The following MSH3 variants were observed in gnomAD, a reference collection of about 807,000 sequenced individuals.
MSH3 encodes mutS homolog 3, also known as DNA mismatch repair protein Msh3.
In MSH3, 106 loss-of-function variants were observed where a neutral mutation model predicts 123.3. The ratio of observed to expected loss-of-function variants is 0.86; its 90% CI spans 0.73 to 1.01. MSH3 has a LOEUF of 1.01. Ranked by LOEUF, MSH3 falls within the 50% of genes least tolerant of loss-of-function variation. The pLI, the probability that MSH3 is intolerant of heterozygous loss-of-function variation, is 0.00. For missense variants in MSH3, 1,459 were observed against 1,347.6 expected, an observed-to-expected ratio of 1.08 and a Z score of -1.29; for synonymous variants, 515 against 481.4, an observed-to-expected ratio of 1.07 and a Z score of -0.91.
At chr5:80,691,336 T>C (rs1750239717) in intron 8 of MSH3, among the ~76,000 whole-genome samples, 1 of 151,746 alleles carries the variant, frequency 6.6e-6, no homozygotes, top group African/African-American at 2.4e-5. Context: ...AAAGATACTA[T>C]TTAAAATAGC....
At chr5:80,686,225 G>A (rs577135804) in intron 8 of MSH3, among the ~76,000 whole-genome samples, 10 of 152,124 alleles carry the variant, frequency 6.6e-5, no homozygotes, top group African/African-American at 2.2e-4. Flanking sequence ...TAAGTCTGAC[G>A]TTTCTTTATT....
chr5:80,743,914 G>A (rs1191969929), intron 11 of MSH3, among the ~76,000 whole-genome samples: 1 of 151,418 alleles, frequency 6.6e-6, no homozygotes, highest in African/African-American at 2.4e-5. Context: ...AGATTTAAAT[G>A]TCTCAGTGGG....
intron 20 of MSH3, among the ~76,000 whole-genome samples, chr5:80,843,233 C>G (rs920831092): frequency 6.6e-6 from 1 of 152,160 alleles, no homozygotes. Context: ...TTGAAGCAGC[C>G]TTGCATCCCA....
chr5:80,729,370 C>G (rs1743365521), intron 10 of MSH3, among the ~76,000 whole-genome samples: 1 of 146,576 alleles, frequency 6.8e-6, no homozygotes. Context: ...CAGCCCAGAT[C>G]CCACCACTGC....
intron 1 of MSH3, among the ~76,000 whole-genome samples, chr5:80,656,011 C>G (rs1347204706): frequency 6.6e-6 from 1 of 152,180 alleles, no homozygotes; most frequent in East Asian, 1.9e-4. Flanking sequence ...AAAAATGATA[C>G]TGTTCTTTTA....
intron 12 of MSH3, chr5:80,746,247 C>T: frequency 4.1e-6 from 1 of 245,100 alleles, no homozygotes; most frequent in Non-Finnish European, 8.1e-6. Flanking sequence ...CTGCATTTCA[C>T]TGCTGTTTGT....
chr5:80,795,359 C>T (rs1744678413), intron 19 of MSH3, among the ~76,000 whole-genome samples: 1 of 152,118 alleles, frequency 6.6e-6, no homozygotes, highest in South Asian at 2.1e-4. Flanking sequence ...TCATAAACAA[C>T]AGAAATTTAT....
intron 6 of MSH3, among the ~76,000 whole-genome samples, chr5:80,674,668 C>T (rs1183082214): frequency 6.6e-6 from 1 of 152,176 alleles, no homozygotes; most frequent in Non-Finnish European, 1.5e-5. Flanking sequence ...AGAATGAATA[C>T]TGGGCAGAAG....
intron 2 of MSH3, 54 bp downstream of exon 2, chr5:80,656,585 A>G: frequency 6.8e-6 from 11 of 1,610,754 alleles, no homozygotes; most frequent in Admixed American, 1.7e-5. Context: ...GTATTCTGGA[A>G]TTCTCCAGAG....
rs1749209474 is a variant in MSH3 at position 80,654,906 on chromosome 5, C to T, written c.179C>T (p.Ala60Val). The T allele has an allele frequency of 6.6e-7, 1 of 1,511,246 alleles. No homozygotes were observed. The highest frequency in any genetic ancestry group is 8.8e-7 in the Non-Finnish European group (1 of 1,135,160). 93.6% of individuals were successfully genotyped at this position (1,511,246 alleles called of 1,614,324 possible). Residue 60 changes from alanine to valine, a missense_variant, in exon 1 of 24, where the codon GCC (alanine) becomes GTC (valine). By Grantham distance (64) the Ala-to-Val change is moderately conservative. Transcript: ENST00000265081. ...GAAAAAAAAA[A>V]AAPPAPPAPA... ...GCAGCGGCTGCAGCGGCCGCAGCGG[C>T]CGCAGCGCCCCCAGCGCCCCCAGCT...
intron 8 of MSH3, among the ~76,000 whole-genome samples, chr5:80,703,503 A>G (rs1434760012): frequency 6.6e-6 from 1 of 151,770 alleles, no homozygotes; most frequent in East Asian, 1.9e-4. Context: ...CCTCCCTCCC[A>G]CCTACTTATT....
At position 80,875,861 on chromosome 5, in the gene MSH3, A is replaced by G; in HGVS notation, c.3413A>G (p.Ter1138=). ...GAAACACAGACTTCTCTTCTTCATT[A>G]AAATGAAGACTACATTTGTGAACAA... ...MEETQTSLLH[*] is the part of the protein sequence containing the mutation. Residue 1138 remains the stop codon, a stop_retained_variant, in exon 24 of 24, where the codon TAA becomes TGA. Coordinates refer to ENST00000265081, the MANE Select transcript of MSH3 (RefSeq NM_002439.5). 1 of 1,556,940 alleles carries G rather than the reference A, an allele frequency of 6.4e-7. No individual in the cohort carries two copies. Among genetic ancestry groups the G allele is most frequent in the South Asian group, 1.1e-5 (1 of 89,822 alleles).
chr5:80,777,503 A>G lies in MSH3; in HGVS notation c.2319-1217A>G, dbSNP rs113211024. Among the ~76,000 whole-genome samples, 991 of 152,340 alleles carry G rather than the reference A, an allele frequency of 6.5e-3. 13 individuals are homozygous for G. The highest frequency in any genetic ancestry group is 0.023 in the African/African-American group (951 of 41,570). On this transcript the variant is annotated intron_variant, in intron 16 of 23. Coordinates refer to ENST00000265081, the MANE Select transcript of MSH3 (RefSeq NM_002439.5). ...ATCTCCCTAAATGAGTTTTTCCAGAAGATAAAGCTTTGATAAATATGTTGG... is the reference window on the plus strand; with the variant it reads ...ATCTCCCTAAATGAGTTTTTCCAGAGGATAAAGCTTTGATAAATATGTTGG...
intron 8 of MSH3, among the ~76,000 whole-genome samples, chr5:80,702,603 G>A (rs940626246): frequency 1.3e-5 from 2 of 152,140 alleles, no homozygotes; most frequent in Non-Finnish European, 2.9e-5. Context: ...TAGCACAGCT[G>A]TATGCAAGAG....
chr5:80,697,630 A>T (rs923950696), intron 8 of MSH3, among the ~76,000 whole-genome samples: 1 of 152,314 alleles, frequency 6.6e-6, no homozygotes, highest in East Asian at 1.9e-4. Context: ...TGTAAAGGCA[A>T]TGTGTGTCAC....
chr5:80,809,084 G>A (rs1744957735), intron 19 of MSH3, among the ~76,000 whole-genome samples: 1 of 151,250 alleles, frequency 6.6e-6, no homozygotes, highest in South Asian at 2.1e-4. Context: ...GCTGCTTTGG[G>A]CATCTTTTAT....
intron 21 of MSH3, among the ~76,000 whole-genome samples, chr5:80,862,480 G>A (rs1283615293): frequency 6.6e-6 from 1 of 152,146 alleles, no homozygotes; most frequent in African/African-American, 2.4e-5. Flanking sequence ...CCATGAGACT[G>A]GGTGCAGTGG....
chr5:80,833,875 C>CG (rs1745462574), intron 20 of MSH3, among the ~76,000 whole-genome samples: 1 of 3,352 alleles, frequency 3.0e-4, no homozygotes, highest in South Asian at 0.012. Context: ...AGAATGGTAT[C>CG]AAAGACTCTG....
chr5:80,775,196 A>G (rs562467988), intron 15 of MSH3, among the ~76,000 whole-genome samples: 5 of 152,338 alleles, frequency 3.3e-5, no homozygotes, highest in Admixed American at 1.3e-4. Context: ...TAGGGAAGTC[A>G]GTGCTTTCCT....
Sources: gnomAD v4.1 joint callset for allele counts (sites outside exome capture counted in the v4.1 genomes callset) on GRCh38, gnomAD v4.1.1 for gene constraint, MANE v1.5 for transcripts, NCBI Gene and HGNC (gene_info 2026-07-23, HGNC 2026-07-21) for gene names.